The following FAM107B variants were observed in gnomAD, a reference collection of about 807,000 sequenced individuals.
FAM107B encodes the protein protein FAM107B.
Under a neutral mutation model 31.5 loss-of-function variants are expected in FAM107B, and 21 were observed. The observed-to-expected ratio is 0.67, with a 90% CI of 0.47 to 0.96. The LOEUF is 0.96. FAM107B is among the 40% of genes least tolerant of loss of function. The probability of loss-of-function intolerance (pLI) is 0.00; values close to 1 mark genes in which losing one functional copy is unlikely to be tolerated. For missense variants in FAM107B, 452 were observed against 377.1 expected, an observed-to-expected ratio of 1.20 and a Z score of -1.64; for synonymous variants, 157 against 141.5, an observed-to-expected ratio of 1.11 and a Z score of -0.78.
chr10:14,625,896 G>C (rs1394531792), intron 2 of FAM107B, among the ~76,000 whole-genome samples: 1 of 107,146 alleles, frequency 9.3e-6, no homozygotes, highest in East Asian at 3.7e-4. Flanking sequence ...TTTCAACAGG[G>C]CTGCTGAATA....
intron 3 of FAM107B, among the ~76,000 whole-genome samples, chr10:14,526,983 G>A (rs1160865068): frequency 6.6e-6 from 1 of 151,936 alleles, no homozygotes; most frequent in Admixed American, 6.6e-5. Context: ...GACTACAGGT[G>A]CCCACCAACA....
intron 1 of FAM107B, among the ~76,000 whole-genome samples, chr10:14,725,003 T>A (rs896852303): frequency 6.6e-6 from 1 of 152,210 alleles, no homozygotes; most frequent in African/African-American, 2.4e-5. Flanking sequence ...TTGCTTTGAA[T>A]GTAATGTAAA....
chr10:14,659,927 C>T (rs922584841), intron 2 of FAM107B, among the ~76,000 whole-genome samples: 1 of 152,156 alleles, frequency 6.6e-6, no homozygotes, highest in Admixed American at 6.5e-5. Context: ...TCATTTCATC[C>T]ATTTTTAGGT....
At chr10:14,744,848 CTT>C (rs1564284514) in intron 1 of FAM107B, among the ~76,000 whole-genome samples, 1 of 152,132 alleles carries the variant, frequency 6.6e-6, no homozygotes, top group Admixed American at 6.5e-5. Context: ...TACAGCTCCT[CTT>C]TGTACCTCTG....
chr10:14,586,492 G>A, intron 2 of FAM107B, among the ~76,000 whole-genome samples: 1 of 152,142 alleles, frequency 6.6e-6, no homozygotes. Context: ...GGGCTTAGGG[G>A]AAGTAATTAA....
chr10:14,536,971 CATA>C (rs1239648877), intron 2 of FAM107B, among the ~76,000 whole-genome samples: 1 of 152,116 alleles, frequency 6.6e-6, no homozygotes, highest in African/African-American at 2.4e-5. Context: ...AAATAAGGCA[CATA>C]TTTTATATTT....
In FAM107B at chr10:14,520,844, G is replaced by A. The variant is rs936766698; in HGVS notation, c.*346C>T. 14 of 217,390 alleles carry A rather than the reference G, an allele frequency of 6.4e-5. No individual in the cohort carries two copies. The highest frequency in any genetic ancestry group is 1.1e-4 in the Non-Finnish European group (12 of 112,010). 13.5% of individuals were successfully genotyped at this position (217,390 alleles called of 1,614,324 possible). ...AAAGGCTCTGGGTCCCACGAAACTT[G>A]GAATGGAAGAAAAACCAAGTAGTGC... On this transcript the variant is annotated 3_prime_UTR_variant, in exon 5 of 5. Transcript: ENST00000181796.
chr10:14,638,778 A>G (rs1853562168), intron 2 of FAM107B, among the ~76,000 whole-genome samples: 2 of 152,028 alleles, frequency 1.3e-5, no homozygotes, highest in South Asian at 2.1e-4. Context: ...TTAGGCTCTC[A>G]CTGTCTCATG....
intron 1 of FAM107B, among the ~76,000 whole-genome samples, chr10:14,719,199 G>A (rs1196044267): frequency 1.3e-5 from 2 of 152,136 alleles, no homozygotes; most frequent in Non-Finnish European, 2.9e-5. Flanking sequence ...GACTAAGCCT[G>A]CCCAAATAAC....
Position 14,557,823 on chromosome 10 carries a change from G to C in FAM107B, c.470-27308C>G, listed in dbSNP as rs1390251401. On this transcript the variant is annotated intron_variant, in intron 2 of 4. Coordinates refer to ENST00000181796, the MANE Select transcript of FAM107B (RefSeq NM_031453.4). Reference sequence around the variant, plus strand: ...GTGATGCCATTGGAGGGGCCTAGCCGGGGCCTAGCCAGGACCCAGCCAGGT... The same window carrying C: ...GTGATGCCATTGGAGGGGCCTAGCCCGGGCCTAGCCAGGACCCAGCCAGGT... Among the ~76,000 whole-genome samples the C allele has an allele frequency of 1.4e-4, 21 of 152,260 alleles. No individual in the cohort carries two copies. In the East Asian group the frequency reaches 4.1e-3, roughly 29 times the overall value.
intron 2 of FAM107B, among the ~76,000 whole-genome samples, chr10:14,562,103 C>T (rs1850296062): frequency 6.6e-6 from 1 of 152,130 alleles, no homozygotes; most frequent in African/African-American, 2.4e-5. Context: ...GCATTTTCTA[C>T]TCCAAAAAGT....
At chr10:14,597,001 G>A (rs909027727) in intron 2 of FAM107B, among the ~76,000 whole-genome samples, 5 of 152,210 alleles carry the variant, frequency 3.3e-5, no homozygotes, top group African/African-American at 9.6e-5. Context: ...GCAAGCTTAG[G>A]CTTAAAAGTC....
At chr10:14,619,151 G>C (rs1852929883) in intron 2 of FAM107B, among the ~76,000 whole-genome samples, 1 of 152,202 alleles carries the variant, frequency 6.6e-6, no homozygotes, top group Admixed American at 6.5e-5. Context: ...AACACTTGTA[G>C]CCACCAGAAG....
intron 2 of FAM107B, among the ~76,000 whole-genome samples, chr10:14,576,230 T>A (rs1313592088): frequency 6.6e-6 from 1 of 152,186 alleles, no homozygotes; most frequent in South Asian, 2.1e-4. Context: ...CACGATTTTT[T>A]AAAAAGCCAC....
At position 14,740,603 on chromosome 10, in the gene FAM107B, T is replaced by C. The variant is rs915562864; in HGVS notation, c.411+33650A>G. Among the ~76,000 whole-genome samples, 5 of 152,222 alleles carry C rather than the reference T, an allele frequency of 3.3e-5. No individual in the cohort carries two copies. In the East Asian group the frequency reaches 9.6e-4, roughly 29 times the overall value. The stretch of plus-strand genomic sequence containing the variant: ...CTAACCCTAATGCGTATATGGGCTT[T>C]AGTTAATAATAATGAACTAATATTG... On this transcript the variant is annotated intron_variant, in intron 1 of 4. Coordinates refer to ENST00000181796, the MANE Select transcript of FAM107B (RefSeq NM_031453.4).
intron 2 of FAM107B, among the ~76,000 whole-genome samples, chr10:14,625,223 C>T (rs1453024500): frequency 8.1e-6 from 1 of 123,258 alleles, no homozygotes; most frequent in East Asian, 2.2e-4. Context: ...AAGACTGTCT[C>T]AGAAAAAAAA....
At chr10:14,729,589 A>C (rs1856116767) in intron 1 of FAM107B, among the ~76,000 whole-genome samples, 2 of 152,204 alleles carry the variant, frequency 1.3e-5, no homozygotes, top group South Asian at 4.1e-4. Context: ...GCTTCACTGT[A>C]GACCCGTGGT....
At chr10:14,767,099 G>GAC (rs1564295897) in intron 1 of FAM107B, among the ~76,000 whole-genome samples, 48 of 110,018 alleles carry the variant, frequency 4.4e-4, no homozygotes, top group Non-Finnish European at 8.0e-4. Flanking sequence ...GAGAGAGAGA[G>GAC]ACAGAGAGAG....
chr10:14,584,624 T>A (rs1351677680), intron 2 of FAM107B, among the ~76,000 whole-genome samples: 1 of 152,090 alleles, frequency 6.6e-6, no homozygotes, highest in African/African-American at 2.4e-5. Context: ...CCTACAATTA[T>A]AAACAGCTCC....
Sources: allele counts gnomAD v4.1 joint callset (sites outside exome capture counted in the v4.1 genomes callset), GRCh38; gene constraint gnomAD v4.1.1; transcripts MANE v1.5; gene names NCBI Gene and HGNC (gene_info 2026-07-23, HGNC 2026-07-21).